Variants in ELOVL7 observed in about 807,000 individuals in gnomAD.
ELOVL7 encodes the protein ELOVL fatty acid elongase 7, also known as very long chain fatty acid elongase 7.
Under a neutral mutation model 35.7 loss-of-function variants are expected in ELOVL7, and 27 were observed. That is an observed-to-expected ratio of 0.76 (90% CI 0.56 to 1.04). The LOEUF (loss-of-function observed/expected upper bound fraction) is 1.04, where lower values mean the gene tolerates loss of function less well. ELOVL7 is among the 50% of genes least tolerant of loss of function. The pLI, the probability that ELOVL7 is intolerant of heterozygous loss-of-function variation, is 0.00. For synonymous variants in ELOVL7, 113 were observed against 114.6 expected (o/e 0.99, Z 0.09); for missense variants, 327 against 340.8 (o/e 0.96, Z 0.32).
chr5:60,767,721 C>A, intron 5 of ELOVL7, 102 bp downstream of exon 5: 1 of 751,962 alleles, frequency 1.3e-6, no homozygotes, highest in Non-Finnish European at 2.3e-6. Flanking sequence ...AATCTGATAA[C>A]TGAGTCATCT....
At chr5:60,830,597 T>C (rs2409825) in intron 1 of ELOVL7, among the ~76,000 whole-genome samples, 114,400 of 147,952 alleles carry the variant, frequency 0.77, 44,359 homozygotes, top group East Asian at 0.9. Context: ...GAGGCTTTTT[T>C]TTTCTTTCTT....
intron 5 of ELOVL7, 37 bp from the exon 6 acceptor site, chr5:60,766,667 T>C: frequency 1.9e-6 from 3 of 1,574,338 alleles, no homozygotes; most frequent in South Asian, 1.2e-5. Context: ...TTATTTTGTA[T>C]ATGGAAGAAA....
intron 1 of ELOVL7, among the ~76,000 whole-genome samples, chr5:60,842,951 C>T (rs1319984959): frequency 6.6e-6 from 1 of 151,466 alleles, no homozygotes; most frequent in Admixed American, 6.6e-5. Flanking sequence ...CTTGGGGAGA[C>T]CAATTTCTGA....
intron 3 of ELOVL7, among the ~76,000 whole-genome samples, chr5:60,776,622 CA>C (rs1742919958): frequency 6.6e-6 from 1 of 152,108 alleles, no homozygotes; most frequent in South Asian, 2.1e-4. Context: ...CACAGAAATG[CA>C]AAACCAAATG....
chr5:60,808,445 A>C (rs1311625674), intron 1 of ELOVL7, among the ~76,000 whole-genome samples: 1 of 152,244 alleles, frequency 6.6e-6, no homozygotes, highest in Non-Finnish European at 1.5e-5. Context: ...TTATGCATCT[A>C]TGCAGAAAAA....
chr5:60,808,658 A>C (rs941696661), intron 1 of ELOVL7, among the ~76,000 whole-genome samples: 4 of 152,220 alleles, frequency 2.6e-5, no homozygotes, highest in Admixed American at 6.5e-5. Context: ...TATTCATTCC[A>C]AAACTTGTAC....
In ELOVL7 at chr5:60,811,503, T is replaced by C. The variant is rs187199039; in HGVS notation, c.-85-12273A>G. On this transcript the variant is annotated intron_variant, in intron 1 of 8. Coordinates refer to ENST00000508821, the MANE Select transcript of ELOVL7 (RefSeq NM_024930.3). Reference sequence around the variant, plus strand: ...GAAATGGAAAAGGTAAAAATAAAAATAAATAAATAATGACATACCAAGAAT... The same window carrying C: ...GAAATGGAAAAGGTAAAAATAAAAACAAATAAATAATGACATACCAAGAAT... 2.5e-3 allele frequency among the ~76,000 whole-genome samples: 386 copies of C among 152,134 alleles called. 2 individuals carry two copies. Among genetic ancestry groups the C allele is most frequent in the African/African-American group, 9.0e-3 (374 of 41,496 alleles).
At chr5:60,800,602 A>G (rs1031641260) in intron 1 of ELOVL7, among the ~76,000 whole-genome samples, 7 of 152,200 alleles carry the variant, frequency 4.6e-5, no homozygotes, top group African/African-American at 1.7e-4. Flanking sequence ...TTGTTTTAAA[A>G]AATAGAAATT....
chr5:60,758,801 T>G (rs1007245042), intron 7 of ELOVL7, among the ~76,000 whole-genome samples: 1 of 152,212 alleles, frequency 6.6e-6, no homozygotes, highest in Non-Finnish European at 1.5e-5. Flanking sequence ...GTTCTTTATG[T>G]ATAGCCTGAC....
chr5:60,837,568 TG>T (rs1746902302), intron 1 of ELOVL7, among the ~76,000 whole-genome samples: 1 of 152,196 alleles, frequency 6.6e-6, no homozygotes, highest in Non-Finnish European at 1.5e-5. Flanking sequence ...TTGAGTATCC[TG>T]TAAGGACAGA....
chr5:60,754,428 C>T lies in ELOVL7; in HGVS notation c.*196G>A. The T allele has an allele frequency of 1.8e-6, 1 of 556,748 alleles. No homozygotes were observed. The highest frequency in any genetic ancestry group is 3.2e-6 in the Non-Finnish European group (1 of 315,740). The allele number at this position is 556,748 out of a possible 1,614,324, so 34.5% of individuals were successfully genotyped here. On this transcript the variant is annotated 3_prime_UTR_variant, in exon 9 of 9. Coordinates refer to ENST00000508821, the MANE Select transcript of ELOVL7 (RefSeq NM_024930.3). ...AAACAAAAACAAAAACAAATTCTGG[C>T]TGCTGTAGGCTCTAATTATCAGAAG...
At position 60,782,486 on chromosome 5, in the gene ELOVL7, G is replaced by A. The variant is rs189912859; in HGVS notation, c.64+4848C>T. 2.6e-3 allele frequency among the ~76,000 whole-genome samples: 392 copies of A among 152,296 alleles called. 2 individuals are homozygous for A. The highest frequency in any genetic ancestry group is 9.1e-3 in the African/African-American group (380 of 41,568). ...CAGCATTATTCATAATAGCCAAGAT[G>A]TGGAATCAACCTAAGTGTCCATCAA... On this transcript the variant is annotated intron_variant, in intron 3 of 8. Coordinates refer to ENST00000508821, the MANE Select transcript of ELOVL7 (RefSeq NM_024930.3).
At chr5:60,808,708 T>TG (rs1745085722) in intron 1 of ELOVL7, among the ~76,000 whole-genome samples, 2 of 152,168 alleles carry the variant, frequency 1.3e-5, no homozygotes, top group African/African-American at 4.8e-5. Context: ...TCACCCAAAA[T>TG]AATAAACAAC....
At position 60,753,371 on chromosome 5, in the gene ELOVL7, G is replaced by A. The variant is rs1741365341; in HGVS notation, c.*1253C>T. 1 of 152,106 alleles carries A rather than the reference G, an allele frequency of 6.6e-6. No homozygotes were observed. Among genetic ancestry groups the A allele is most frequent in the Non-Finnish European group, 1.5e-5 (1 of 68,026 alleles). The allele number at this position is 152,106 out of a possible 1,614,324, so 9.4% of individuals were successfully genotyped here. On this transcript the variant is annotated 3_prime_UTR_variant, in exon 9 of 9. Coordinates refer to ENST00000508821, the MANE Select transcript of ELOVL7 (RefSeq NM_024930.3). ...CAAAGTGTATGCCAAACGAATTTCA[G>A]TCCTTCATTACATGGTTTATAGGTC...
In ELOVL7 at chr5:60,790,104, T is replaced by C. The variant is rs185926196; in HGVS notation, c.-34-2673A>G. On this transcript the variant is annotated intron_variant, in intron 2 of 8. Coordinates refer to ENST00000508821, the MANE Select transcript of ELOVL7 (RefSeq NM_024930.3). Reference sequence around the variant, plus strand: ...GTGAGCCAAGATTGCGCCATTGCACTCCAGCCTGGGCAACAAGAGCGAGAC... The same window carrying C: ...GTGAGCCAAGATTGCGCCATTGCACCCCAGCCTGGGCAACAAGAGCGAGAC... 6.1e-4 allele frequency among the ~76,000 whole-genome samples: 92 copies of C among 151,626 alleles called. 2 individuals carry two copies. In the East Asian group the frequency reaches 0.017, roughly 29 times the overall value.
intron 3 of ELOVL7, among the ~76,000 whole-genome samples, chr5:60,782,166 C>T (rs753984726): frequency 3.6e-4 from 54 of 152,036 alleles, no homozygotes; most frequent in Non-Finnish European, 7.1e-4. Context: ...CATCACTAAT[C>T]ATCAGGAAAA....
intron 1 of ELOVL7, among the ~76,000 whole-genome samples, chr5:60,817,727 T>C (rs368658014): frequency 9.9e-5 from 8 of 80,510 alleles, no homozygotes; most frequent in East Asian, 1.3e-3. Flanking sequence ...CATATGTATA[T>C]ACCATATATA....
intron 1 of ELOVL7, among the ~76,000 whole-genome samples, chr5:60,800,620 C>G (rs1744552252): frequency 6.6e-6 from 1 of 152,170 alleles, no homozygotes; most frequent in South Asian, 2.1e-4. Flanking sequence ...ATTTATTTCT[C>G]ACAGTTCTAG....
chr5:60,768,625 GAT>G (rs2112166685), intron 4 of ELOVL7: 2 of 448,766 alleles, frequency 4.5e-6, no homozygotes, highest in African/African-American at 4.0e-5. Context: ...GTAATTCAAA[GAT>G]TATAAAGATT....
Sources: gnomAD v4.1 joint callset for allele counts (sites outside exome capture counted in the v4.1 genomes callset) on GRCh38, gnomAD v4.1.1 for gene constraint, MANE v1.5 for transcripts, NCBI Gene and HGNC (gene_info 2026-07-23, HGNC 2026-07-21) for gene names.